SMCO2: variants seen among roughly 807,000 people sequenced by gnomAD.
SMCO2 encodes the protein single-pass membrane protein with coiled-coil domains 2.
A neutral mutation model predicts 29.5 loss-of-function variants in SMCO2; 25 were observed. The observed-to-expected ratio is 0.85, with a 90% CI of 0.62 to 1.18. The LOEUF is 1.18. Among genes scored for constraint, SMCO2 ranks in the 50% most tolerant of loss-of-function variants. SMCO2 has a pLI of 0.00. For missense variants in SMCO2, 348 were observed against 344.5 expected (o/e 1.01, Z -0.08); for synonymous variants, 117 against 123.3 (o/e 0.95, Z 0.34).
chr12:27,439,301 T>C, the SMCO2 span, among the ~76,000 whole-genome samples: 1 of 152,212 alleles, frequency 6.6e-6, no homozygotes, highest in East Asian at 1.9e-4. Context: ...GATAATCCCT[T>C]TGGGACCTTC....
the SMCO2 span, among the ~76,000 whole-genome samples, chr12:27,461,303 G>T: frequency 4.0e-5 from 6 of 151,874 alleles, no homozygotes; most frequent in Admixed American, 2.6e-4. Context: ...GGTTTGTTAC[G>T]CAGGTAAATT....
chr12:27,466,941 G>T (rs1592201847), exon 1 of SMCO2: 1 of 152,150 alleles, frequency 6.6e-6, no homozygotes, highest in Non-Finnish European at 1.5e-5. Flanking sequence ...AGATATTTGG[G>T]ATTACCAAAT....
intron 3 of SMCO2, chr12:27,473,125 A>G (rs1269970999): frequency 2.5e-6 from 1 of 395,816 alleles, no homozygotes; most frequent in Admixed American, 4.1e-5. Context: ...AAAGTGAATT[A>G]TATGTTATTT....
At chr12:27,487,249 C>T (rs1949696236) in intron 4 of SMCO2, among the ~76,000 whole-genome samples, 1 of 152,228 alleles carries the variant, frequency 6.6e-6, no homozygotes, top group Admixed American at 6.5e-5. Context: ...TCCCTAACCC[C>T]TGGCAACCAC....
chr12:27,446,752 T>A, the SMCO2 span: 1 of 152,188 alleles, frequency 6.6e-6, no homozygotes, highest in Admixed American at 6.5e-5. Context: ...TCTCAAACAT[T>A]AGCTGTACCT....
intron 1 of SMCO2, among the ~76,000 whole-genome samples, chr12:27,467,746 A>G (rs1949508971): frequency 6.6e-6 from 1 of 152,142 alleles, no homozygotes; most frequent in South Asian, 2.1e-4. Flanking sequence ...TTTTCTAGCA[A>G]TAAAACTTTG....
intron 3 of SMCO2, chr12:27,473,159 A>G (rs1592205353): frequency 3.0e-6 from 1 of 336,884 alleles, no homozygotes; most frequent in East Asian, 7.0e-5. Context: ...TTTATGAAAT[A>G]ACTGTGACAT....
the SMCO2 span, among the ~76,000 whole-genome samples, chr12:27,449,809 G>A: frequency 7.8e-3 from 1,191 of 152,244 alleles, 8 homozygotes; most frequent in Non-Finnish European, 0.013. Flanking sequence ...CTCTTACAAG[G>A]CCAGTTTTCC....
chr12:27,452,581 T>C, the SMCO2 span, among the ~76,000 whole-genome samples: 1 of 152,200 alleles, frequency 6.6e-6, no homozygotes, highest in African/African-American at 2.4e-5. Context: ...CCTTGACCTC[T>C]TGGGCTTAAG....
chr12:27,491,945 A>G (rs1942918973), intron 5 of SMCO2, among the ~76,000 whole-genome samples: 1 of 152,038 alleles, frequency 6.6e-6, no homozygotes, highest in South Asian at 2.1e-4. Flanking sequence ...CCCGACCTCA[A>G]GCGATTCTCC....
intron 5 of SMCO2, among the ~76,000 whole-genome samples, chr12:27,492,112 T>C (rs1397606014): frequency 6.6e-6 from 1 of 152,248 alleles, no homozygotes; most frequent in Non-Finnish European, 1.5e-5. Flanking sequence ...TTAGTATATT[T>C]ATATTCTTCC....
At chr12:27,486,126 T>C (rs1272377459) in intron 4 of SMCO2, among the ~76,000 whole-genome samples, 2 of 152,224 alleles carry the variant, frequency 1.3e-5, no homozygotes, top group African/African-American at 4.8e-5. Context: ...TTCAATCTGC[T>C]ATGATTTCCC....
the SMCO2 span, among the ~76,000 whole-genome samples, chr12:27,454,336 A>G: frequency 1.3e-5 from 2 of 152,120 alleles, no homozygotes; most frequent in Non-Finnish European, 2.9e-5. Context: ...CATAATGAGT[A>G]TTGTTTTGTA....
the SMCO2 span, among the ~76,000 whole-genome samples, chr12:27,455,280 A>G: frequency 1.3e-5 from 2 of 152,206 alleles, no homozygotes; most frequent in African/African-American, 2.4e-5. Context: ...TTAATATTTT[A>G]ACAGTCCGGT....
chr12:27,444,618 T>G, the SMCO2 span, among the ~76,000 whole-genome samples: 3 of 151,950 alleles, frequency 2.0e-5, no homozygotes, highest in Non-Finnish European at 4.4e-5. Context: ...GAAATGCAAA[T>G]AAAAAACACA....
At chr12:27,458,679 A>G in the SMCO2 span, among the ~76,000 whole-genome samples, 1 of 152,048 alleles carries the variant, frequency 6.6e-6, no homozygotes, top group Non-Finnish European at 1.5e-5. Context: ...TGAGGTCAGG[A>G]GTTCGAGACC....
chr12:27,489,482 AGTCTGT>A (rs752788592), intron 5 of SMCO2, among the ~76,000 whole-genome samples: 154 of 152,332 alleles, frequency 1.0e-3, no homozygotes, highest in Middle Eastern at 3.4e-3. Flanking sequence ...AAAAGAAAAA[AGTCTGT>A]GTCTAACAAC....
At chr12:27,435,543 CT>C in the SMCO2 span, among the ~76,000 whole-genome samples, 318 of 150,408 alleles carry the variant, frequency 2.1e-3, 2 homozygotes, top group African/African-American at 7.4e-3. Context: ...CTCTCTCTCT[CT>C]CCCCCCCATC....
chr12:27,473,949 T>A (rs442088), intron 3 of SMCO2, among the ~76,000 whole-genome samples: 32,592 of 152,138 alleles, frequency 0.21, 6,264 homozygotes, highest in African/African-American at 0.5. Context: ...TTCTAGAACA[T>A]GGCAAAGAAT....
Sources: gnomAD v4.1 joint callset for allele counts (sites outside exome capture counted in the v4.1 genomes callset) on GRCh38, gnomAD v4.1.1 for gene constraint, MANE v1.5 for transcripts, NCBI Gene and HGNC (gene_info 2026-07-23, HGNC 2026-07-21) for gene names.